Variants in NDUFS4 observed in about 807,000 individuals in gnomAD.
NDUFS4 encodes NADH:ubiquinone oxidoreductase subunit S4.
Under a neutral mutation model 24.3 loss-of-function variants are expected in NDUFS4, and 28 were observed. The observed-to-expected ratio is 1.15, with a 90% CI of 0.85 to 1.58. The LOEUF (loss-of-function observed/expected upper bound fraction) is 1.58. Ranked by LOEUF, NDUFS4 falls within the 40% of genes most tolerant of loss-of-function variation. NDUFS4 has a pLI of 0.00. For synonymous variants in NDUFS4, 93 were observed against 69.7 expected, an observed-to-expected ratio of 1.34 and a Z score of -1.67; for missense variants, 223 against 207.9, an observed-to-expected ratio of 1.07 and a Z score of -0.45.
At chr5:53,614,887 T>G (rs1036305910) in intron 2 of NDUFS4, among the ~76,000 whole-genome samples, 1 of 151,958 alleles carries the variant, frequency 6.6e-6, no homozygotes, top group Non-Finnish European at 1.5e-5. Context: ...GATTTTAAGT[T>G]TAGGTTTTTT....
intron 4 of NDUFS4, among the ~76,000 whole-genome samples, chr5:53,662,169 A>G (rs1036771786): frequency 6.6e-6 from 1 of 152,112 alleles, no homozygotes; most frequent in South Asian, 2.1e-4. Flanking sequence ...GAGATAAGTC[A>G]CATCAATACC....
intron 1 of NDUFS4, chr5:53,573,641 T>G (rs2112417728): frequency 2.2e-6 from 1 of 448,104 alleles, no homozygotes; most frequent in Admixed American, 2.4e-5. Flanking sequence ...CAGGCTGGAG[T>G]GCAGTGGTGC....
chr5:53,610,853 A>T (rs575364999), intron 2 of NDUFS4, among the ~76,000 whole-genome samples: 1 of 152,238 alleles, frequency 6.6e-6, no homozygotes, highest in East Asian at 1.9e-4. Context: ...GATGTGGTGC[A>T]GGTTGTGGTG....
chr5:53,658,850 A>G (rs1009783393), intron 4 of NDUFS4: 5 of 470,918 alleles, frequency 1.1e-5, no homozygotes, highest in African/African-American at 2.0e-5. Context: ...AGACTGCTCT[A>G]ATTTGAAGTA....
chr5:53,665,411 C>G (rs1180646711), intron 4 of NDUFS4, among the ~76,000 whole-genome samples: 2 of 152,194 alleles, frequency 1.3e-5, no homozygotes, highest in African/African-American at 4.8e-5. Flanking sequence ...TTGGCTATGC[C>G]CTACCCCCAG....
chr5:53,614,276 G>A (rs990839336), intron 2 of NDUFS4, among the ~76,000 whole-genome samples: 11 of 151,786 alleles, frequency 7.2e-5, no homozygotes, highest in Non-Finnish European at 1.5e-4. Context: ...TATGCTTATT[G>A]AAATGCTATT....
intron 4 of NDUFS4, among the ~76,000 whole-genome samples, chr5:53,678,006 G>A (rs1561404027): frequency 6.6e-6 from 1 of 152,142 alleles, no homozygotes; most frequent in Non-Finnish European, 1.5e-5. Flanking sequence ...AACCATAAAT[G>A]AAATGATTCT....
At chr5:53,658,998 T>C (rs936716607) in intron 4 of NDUFS4, among the ~76,000 whole-genome samples, 1 of 152,158 alleles carries the variant, frequency 6.6e-6, no homozygotes, top group African/African-American at 2.4e-5. Flanking sequence ...CGTTAAGTTC[T>C]TTCAGCCAAA....
intron 1 of NDUFS4, among the ~76,000 whole-genome samples, chr5:53,588,293 T>C (rs978684200): frequency 2.6e-5 from 4 of 152,162 alleles, no homozygotes; most frequent in African/African-American, 9.7e-5. Context: ...TTCTCTTTCC[T>C]CTCTTGCCTT....
chr5:53,670,303 A>G (rs1752627780), intron 4 of NDUFS4, among the ~76,000 whole-genome samples: 1 of 151,522 alleles, frequency 6.6e-6, no homozygotes, highest in African/African-American at 2.4e-5. Context: ...TTAAAAAATA[A>G]TAATCTAGAT....
At chr5:53,567,863 C>T (rs989985204) in intron 1 of NDUFS4, among the ~76,000 whole-genome samples, 7 of 152,034 alleles carry the variant, frequency 4.6e-5, no homozygotes, top group Admixed American at 4.6e-4. Flanking sequence ...GACTTGAGCT[C>T]TTTTAAGGTT....
At chr5:53,649,929 C>G (rs769935571) in intron 3 of NDUFS4, among the ~76,000 whole-genome samples, 51 of 152,058 alleles carry the variant, frequency 3.4e-4, no homozygotes, top group Non-Finnish European at 6.6e-4. Context: ...TTTTCGTGTT[C>G]ATTGGCCATT....
chr5:53,572,724 AC>A (rs1177110124), intron 1 of NDUFS4, among the ~76,000 whole-genome samples: 1 of 150,918 alleles, frequency 6.6e-6, no homozygotes, highest in Non-Finnish European at 1.5e-5. Flanking sequence ...GCTTACTGCA[AC>A]CTCTGCCTCC....
intron 2 of NDUFS4, among the ~76,000 whole-genome samples, chr5:53,605,609 A>G (rs1050721895): frequency 6.6e-6 from 1 of 152,142 alleles, no homozygotes; most frequent in African/African-American, 2.4e-5. Context: ...CCTTTCTTGA[A>G]GTAATAGTTG....
chr5:53,631,305 A>G (rs887450156), intron 2 of NDUFS4, among the ~76,000 whole-genome samples: 1 of 152,142 alleles, frequency 6.6e-6, no homozygotes, highest in African/African-American at 2.4e-5. Flanking sequence ...GTTCTCCTCT[A>G]TGAGGTGTCT....
At chr5:53,596,428 G>A (rs1047556736) in intron 1 of NDUFS4, among the ~76,000 whole-genome samples, 1 of 152,020 alleles carries the variant, frequency 6.6e-6, no homozygotes, top group Non-Finnish European at 1.5e-5. Context: ...GCCATATCCT[G>A]TGTCAAAAAG....
Position 53,624,781 on chromosome 5 carries a change from T to C in NDUFS4, c.177+21251T>C, listed in dbSNP as rs557817655. The stretch of plus-strand genomic sequence containing the variant: ...TGTCATCTGGGAACAGAGATAATTA[T>C]ACATCTTTACAAGTTTGGATGGCTT... On this transcript the variant is annotated intron_variant, in intron 2 of 4. Coordinates refer to ENST00000296684, the MANE Select transcript of NDUFS4 (RefSeq NM_002495.4). Among the ~76,000 whole-genome samples, 5 of 152,340 alleles carry C rather than the reference T, an allele frequency of 3.3e-5. No homozygotes were observed. In the South Asian group the frequency reaches 1.0e-3, roughly 32 times the overall value.
chr5:53,619,199 G>A (rs373124376), intron 2 of NDUFS4, among the ~76,000 whole-genome samples: 16 of 146,376 alleles, frequency 1.1e-4, no homozygotes, highest in African/African-American at 4.1e-4. Flanking sequence ...GGCCGGGCAC[G>A]GTGGCTCACA....
At chr5:53,669,517 A>G (rs892707446) in intron 4 of NDUFS4, among the ~76,000 whole-genome samples, 1 of 152,016 alleles carries the variant, frequency 6.6e-6, no homozygotes, top group East Asian at 1.9e-4. Flanking sequence ...TGCACCTCCC[A>G]TCTACTACTG....
Sources: allele counts gnomAD v4.1 joint callset (sites outside exome capture counted in the v4.1 genomes callset), GRCh38; gene constraint gnomAD v4.1.1; transcripts MANE v1.5; gene names NCBI Gene and HGNC (gene_info 2026-07-23, HGNC 2026-07-21).